CCNY: variants seen among roughly 807,000 people sequenced by gnomAD.
The protein encoded by CCNY is cyclin Y.
In CCNY, 19 loss-of-function variants were observed where a neutral mutation model predicts 42.8. The observed-to-expected ratio is 0.44, with a 90% CI of 0.31 to 0.65. CCNY has a LOEUF of 0.65. CCNY is among the 30% of genes least tolerant of loss of function. CCNY has a pLI of 0.07. For missense variants in CCNY, 370 were observed against 437.3 expected (o/e 0.85, Z 1.37); for synonymous variants, 165 against 162.7 (o/e 1.01, Z -0.11).
chr10:35,510,287 T>G, intron 3 of CCNY, among the ~76,000 whole-genome samples: 1 of 152,168 alleles, frequency 6.6e-6, no homozygotes, highest in Non-Finnish European at 1.5e-5. Context: ...CAATCATGGC[T>G]CACAGCAGTC....
intron 1 of CCNY, among the ~76,000 whole-genome samples, chr10:35,363,980 T>C (rs1311759387): frequency 6.6e-6 from 1 of 152,216 alleles, no homozygotes; most frequent in Non-Finnish European, 1.5e-5. Flanking sequence ...GTTTATACAG[T>C]CTTGCTCAAT....
At chr10:35,340,632 G>A (rs1836158553) in intron 1 of CCNY, among the ~76,000 whole-genome samples, 1 of 151,704 alleles carries the variant, frequency 6.6e-6, no homozygotes, top group South Asian at 2.1e-4. Context: ...AGCGTCCCAA[G>A]TAGCTGGGAT....
intron 3 of CCNY, among the ~76,000 whole-genome samples, chr10:35,508,139 T>G (rs1376103789): frequency 6.6e-6 from 1 of 152,196 alleles, no homozygotes; most frequent in Non-Finnish European, 1.5e-5. Context: ...CAATCTTTAT[T>G]ATTTTTGGTT....
At chr10:35,330,759 T>A (rs556230069) in intron 3 of CCNY, among the ~76,000 whole-genome samples, 102 of 128,808 alleles carry the variant, frequency 7.9e-4, no homozygotes, top group African/African-American at 2.4e-3. Context: ...AGCTTTTATT[T>A]TTTTTTTTTT....
intron 1 of CCNY, among the ~76,000 whole-genome samples, chr10:35,384,619 A>G (rs1837263690): frequency 6.6e-6 from 1 of 152,100 alleles, no homozygotes; most frequent in Non-Finnish European, 1.5e-5. Context: ...GTGGCCCTGC[A>G]GTGGAGGGGC....
At chr10:35,292,783 T>G (rs973136553) in intron 3 of CCNY, among the ~76,000 whole-genome samples, 2 of 144,680 alleles carry the variant, frequency 1.4e-5, no homozygotes, top group Non-Finnish European at 3.1e-5. Context: ...TTGTTTTTGT[T>G]TTTTTTTTTT....
intron 2 of CCNY, among the ~76,000 whole-genome samples, chr10:35,485,834 A>G (rs1839777162): frequency 6.6e-6 from 1 of 151,952 alleles, no homozygotes; most frequent in Admixed American, 6.6e-5. Context: ...GGCTTTTGGC[A>G]AATTGGTCCT....
chr10:35,509,545 G>A (rs1289062932), intron 3 of CCNY, among the ~76,000 whole-genome samples: 1 of 152,108 alleles, frequency 6.6e-6, no homozygotes, highest in Non-Finnish European at 1.5e-5. Context: ...GAAAGTGCTG[G>A]GATTACAGCC....
intron 1 of CCNY, 62 bp downstream of exon 1, chr10:35,337,269 G>T (rs1836063033): frequency 7.7e-7 from 1 of 1,296,966 alleles, no homozygotes. Context: ...AGCCAACGTC[G>T]GGGCGGCCCG....
intron 1 of CCNY, among the ~76,000 whole-genome samples, chr10:35,396,389 A>G (rs942664890): frequency 1.3e-5 from 2 of 152,130 alleles, no homozygotes; most frequent in Non-Finnish European, 2.9e-5. Context: ...GCTGAGTTGT[A>G]AGAGGCAGGT....
intron 3 of CCNY, among the ~76,000 whole-genome samples, chr10:35,329,092 A>C (rs1237544501): frequency 6.6e-6 from 1 of 152,246 alleles, no homozygotes; most frequent in Non-Finnish European, 1.5e-5. Context: ...AACATCGATA[A>C]GGAAACAATT....
chr10:35,316,468 A>G (rs1835761703), intron 3 of CCNY: 1 of 152,208 alleles, frequency 6.6e-6, no homozygotes, highest in African/African-American at 2.4e-5. Flanking sequence ...AATATTCTAA[A>G]GTTTTTCACA....
chr10:35,534,999 ATGTGTG>A (rs59534409), intron 7 of CCNY, among the ~76,000 whole-genome samples: 1,906 of 133,264 alleles, frequency 0.014, 46 homozygotes, highest in African/African-American at 0.042. Context: ...ATCTATATAT[ATGTGTG>A]TGTGTGTGTG....
At chr10:35,475,988 C>T (rs896591635) in intron 1 of CCNY, among the ~76,000 whole-genome samples, 10 of 152,146 alleles carry the variant, frequency 6.6e-5, no homozygotes, top group African/African-American at 1.9e-4. Context: ...GGGTTGCAAT[C>T]CTAGTCTCTG....
At chr10:35,280,610 C>G (rs1835289952) in intron 3 of CCNY, among the ~76,000 whole-genome samples, 1 of 152,114 alleles carries the variant, frequency 6.6e-6, no homozygotes, top group Non-Finnish European at 1.5e-5. Context: ...TAACTCAAAA[C>G]AGATTGAAAT....
intron 1 of CCNY, among the ~76,000 whole-genome samples, chr10:35,469,989 GAGAC>G (rs553306925): frequency 1.8e-4 from 27 of 147,010 alleles, no homozygotes; most frequent in African/African-American, 3.3e-4. Context: ...GGGCAGTGGA[GAGAC>G]AGACAGGGAG....
At position 35,399,769 on chromosome 10, in the gene CCNY, C is replaced by G. The variant is rs1589091803; in HGVS notation, c.154+62562C>G. 2.0e-5 allele frequency among the ~76,000 whole-genome samples: 3 copies of G among 152,296 alleles called. No homozygotes were observed. The South Asian group carries it at 6.2e-4, about 32-fold the overall frequency. ...TGATAGGGAGATACATAACTGGACTCCCCCTTAGCAGATCCCAGTAATATG... is the reference window on the plus strand; with the variant it reads ...TGATAGGGAGATACATAACTGGACTGCCCCTTAGCAGATCCCAGTAATATG... On this transcript the variant is annotated intron_variant, in intron 1 of 9. Transcript: ENST00000374704.
At chr10:35,357,049 C>T (rs1836569191) in intron 1 of CCNY, among the ~76,000 whole-genome samples, 1 of 152,168 alleles carries the variant, frequency 6.6e-6, no homozygotes, top group Non-Finnish European at 1.5e-5. Context: ...GATGTTCTTC[C>T]TTCTGCCCTG....
chr10:35,395,942 G>A (rs937793246), intron 1 of CCNY, among the ~76,000 whole-genome samples: 1 of 152,018 alleles, frequency 6.6e-6, no homozygotes. Flanking sequence ...CCCAGTGTGC[G>A]GGTGTTGTGG....
Sources: allele counts gnomAD v4.1 joint callset (sites outside exome capture counted in the v4.1 genomes callset), GRCh38; gene constraint gnomAD v4.1.1; transcripts MANE v1.5; gene names NCBI Gene and HGNC (gene_info 2026-07-23, HGNC 2026-07-21).